The following DPPA3 variants were observed in gnomAD, a reference collection of about 807,000 sequenced individuals.
DPPA3 encodes the protein developmental pluripotency associated 3, also known as developmental pluripotency-associated protein 3.
DPPA3 carries 9 observed loss-of-function variants against 15.6 expected under a neutral mutation model. The observed-to-expected ratio is 0.58, with a 90% CI of 0.35 to 1.01. The LOEUF (loss-of-function observed/expected upper bound fraction) is 1.01, where lower values mean the gene tolerates loss of function less well. DPPA3 is among the 50% of genes least tolerant of loss of function. DPPA3 has a pLI of 0.02. For missense variants in DPPA3, 148 were observed against 194.6 expected (o/e 0.76, Z 1.42); for synonymous variants, 61 against 70.9 (o/e 0.86, Z 0.70).
Position 7,716,324 on chromosome 12 carries a change from G to A in DPPA3, c.369+85G>A, listed in dbSNP as rs1330604983. ...GGTATCTGGTTTGTTTCCTTTTGCCGGAATAGGGAATTAGGGAATTTGCTT... is the reference window on the plus strand; with the variant it reads ...GGTATCTGGTTTGTTTCCTTTTGCCAGAATAGGGAATTAGGGAATTTGCTT... On this transcript the variant is annotated intron_variant, in intron 3 of 3. Coordinates refer to ENST00000345088, the MANE Select transcript of DPPA3 (RefSeq NM_199286.4). 25 of 1,070,820 alleles carry A rather than the reference G, an allele frequency of 2.3e-5. 1 individual carries two copies. Among genetic ancestry groups the A allele is most frequent in the East Asian group, 7.8e-5 (3 of 38,290 alleles). The allele number at this position is 1,070,820 out of a possible 1,614,324, so 66.3% of individuals were successfully genotyped here.
At chr12:7,712,803 T>G (rs1864359244) in intron 1 of DPPA3, among the ~76,000 whole-genome samples, 1 of 152,162 alleles carries the variant, frequency 6.6e-6, no homozygotes, top group Non-Finnish European at 1.5e-5. Context: ...CCCAGGCTGG[T>G]ATCGAACACT....
chr12:7,713,548 G>A (rs1864368395), intron 1 of DPPA3, among the ~76,000 whole-genome samples: 2 of 152,244 alleles, frequency 1.3e-5, no homozygotes, highest in South Asian at 4.1e-4. Flanking sequence ...CCTTCTTATT[G>A]TATGAGATAT....
In DPPA3 at chr12:7,717,326, C is replaced by T. The variant is rs1014936053; in HGVS notation, c.*249C>T. Reference sequence around the variant, plus strand: ...AAGAAGCCAAGATGATATAAGTATTCCCATGTGTCTTAGAAGCCCAAAGTC... The same window carrying T: ...AAGAAGCCAAGATGATATAAGTATTTCCATGTGTCTTAGAAGCCCAAAGTC... On this transcript the variant is annotated 3_prime_UTR_variant, in exon 4 of 4. Coordinates refer to ENST00000345088, the MANE Select transcript of DPPA3 (RefSeq NM_199286.4). The T allele has an allele frequency of 1.2e-5, 4 of 346,262 alleles. No homozygotes were observed. Among genetic ancestry groups the T allele is most frequent in the Admixed American group, 4.5e-5 (1 of 22,460 alleles). The allele number at this position is 346,262 out of a possible 1,614,324, so 21.4% of individuals were successfully genotyped here. A position where few individuals can be genotyped will look rare whatever the true frequency, so the allele number is the denominator to read the frequency against.
At position 7,715,284 on chromosome 12, in the gene DPPA3, C is replaced by T. The variant is rs753598013; in HGVS notation, c.184C>T (p.Arg62Cys). The T allele has an allele frequency of 6.2e-6, 10 of 1,613,846 alleles. No homozygotes were observed. Among genetic ancestry groups the T allele is most frequent in the African/African-American group, 2.7e-5 (2 of 74,984 alleles). Reference protein sequence around the residue: ...SVSPLSEALLRRESVGAAVLR... With the variant: ...SVSPLSEALLCRESVGAAVLR... The stretch of plus-strand genomic sequence containing the variant: ...TTCCCCTCTATCGGAAGCTTTACTC[C>T]GTCGAGAGTCTGTAGGAGCAGCAGT... Residue 62 changes from arginine (R) to cysteine (C), a missense_variant, in exon 2 of 4, where the codon CGT (arginine) becomes TGT (cysteine). Arg to Cys is a radical substitution (Grantham distance 180, BLOSUM62 -3). Coordinates refer to ENST00000345088, the MANE Select transcript of DPPA3 (RefSeq NM_199286.4).
chr12:7,713,839 C>T (rs982652427), intron 1 of DPPA3, among the ~76,000 whole-genome samples: 4 of 152,166 alleles, frequency 2.6e-5, no homozygotes, highest in Admixed American at 1.3e-4. Context: ...CAGTGGATCT[C>T]TTAAGTGTAA....
chr12:7,712,831 C>T (rs1945246050), intron 1 of DPPA3, among the ~76,000 whole-genome samples: 1 of 152,204 alleles, frequency 6.6e-6, no homozygotes, highest in Admixed American at 6.5e-5. Flanking sequence ...AGTCCATCCT[C>T]TTGCGTAGCT....
rs942263275 is a variant in DPPA3, at chr12:7,711,850, G to T, written c.82+198G>T. Among the ~76,000 whole-genome samples the T allele has an allele frequency of 5.3e-5, 8 of 150,424 alleles. No homozygotes were observed. The East Asian group carries it at 1.2e-3, about 22-fold the overall frequency. On this transcript the variant is annotated intron_variant, in intron 1 of 3. Transcript: ENST00000345088. ...CAAAGACTTTATTAAAAGCGGTGAT[G>T]GTGGTGGTGAGAAATGTATTATTTT... is the stretch of plus-strand genomic sequence containing the variant.
In DPPA3 at chr12:7,715,186, C is replaced by A; in HGVS notation, c.86C>A (p.Ala29Asp). 2.5e-6 allele frequency: 4 copies of A among 1,613,390 alleles called. No individual in the cohort carries two copies. Among genetic ancestry groups the A allele is most frequent in the South Asian group, 2.2e-5 (2 of 90,846 alleles). ...GGCTTTTAACCTTCTCTTTCAGGGG[C>A]CTCTCAAATCTCCTCCGAGACGTTG... The part of the protein sequence containing the change: ...TEENSRDDSG[A>D]SQISSETLIK... Residue 29 changes from alanine (A) to aspartate (D), a missense_variant, in exon 2 of 4, where the codon GCC becomes GAC. Ala to Asp is a moderately radical substitution (Grantham distance 126). Transcript: ENST00000345088.
At chr12:7,713,406 G>A (rs1864366905) in intron 1 of DPPA3, among the ~76,000 whole-genome samples, 1 of 152,172 alleles carries the variant, frequency 6.6e-6, no homozygotes, top group African/African-American at 2.4e-5. Context: ...GTTCCACAAA[G>A]GATCCTCGTT....
rs767695227 is a variant in DPPA3, at chr12:7,715,275, G to A, written c.175G>A (p.Ala59Thr). Reference protein sequence around the residue: ...SSESVSPLSEALLRRESVGAA... With the variant: ...SSESVSPLSETLLRRESVGAA... ...CGAATCTGTTTCCCCTCTATCGGAA[G>A]CTTTACTCCGTCGAGAGTCTGTAGG... is the stretch of plus-strand genomic sequence containing the variant. The change falls in exon 2 of 4, where the codon GCT becomes ACT. Residue 59 changes from alanine (A) to threonine (T), a missense_variant. Ala to Thr is a moderately conservative substitution (Grantham distance 58). Transcript: ENST00000345088. The A allele has an allele frequency of 7.4e-6, 12 of 1,613,824 alleles. No homozygotes were observed. Among genetic ancestry groups the A allele is most frequent in the African/African-American group, 1.3e-5 (1 of 74,912 alleles).
chr12:7,711,562 A>C lies in DPPA3; in HGVS notation c.-9A>C. 6.2e-7 allele frequency: 1 copy of C among 1,612,346 alleles called. No individual in the cohort carries two copies. Among genetic ancestry groups the C allele is most frequent in the Non-Finnish European group, 8.5e-7 (1 of 1,179,406 alleles). On this transcript the variant is annotated 5_prime_UTR_variant, in exon 1 of 4. Transcript: ENST00000345088. Reference sequence around the variant, plus strand: ...TCCTGGAGAAGCCTAGTGTTGTGTCAAGACGCCGATGGACCCATCACAGTT... The same window carrying C: ...TCCTGGAGAAGCCTAGTGTTGTGTCCAGACGCCGATGGACCCATCACAGTT...
In DPPA3 at chr12:7,711,480, C is replaced by T. The variant is rs182659505; in HGVS notation, c.-91C>T. On this transcript the variant is annotated 5_prime_UTR_variant, in exon 1 of 4. Transcript: ENST00000345088. Reference sequence around the variant, plus strand: ...GGAGCTCCGGTTTTCAGCCTCTTTCCGGGCTACCTGGTAGCAATTTGAGGC... The same window carrying T: ...GGAGCTCCGGTTTTCAGCCTCTTTCTGGGCTACCTGGTAGCAATTTGAGGC... 4.9e-6 allele frequency: 6 copies of T among 1,227,252 alleles called. No homozygotes were observed. The highest frequency in any genetic ancestry group is 5.6e-6 in the Non-Finnish European group (5 of 885,208). 76.0% of individuals were successfully genotyped at this position (1,227,252 alleles called of 1,614,324 possible).
At chr12:7,716,269 C>CTTT (rs34547953) in intron 3 of DPPA3, 30 bp downstream of exon 3, 341,426 of 1,281,690 alleles carry the variant, frequency 0.27, 9,966 homozygotes, top group Non-Finnish European at 0.28. Context: ...TTTTATTTTC[C>CTTT]TTTTTTTTTT....
chr12:7,715,459 A>C, intron 2 of DPPA3, 32 bp downstream of exon 2: 1 of 1,613,412 alleles, frequency 6.2e-7, no homozygotes, highest in Non-Finnish European at 8.5e-7. Context: ...GGGGCTGTCC[A>C]ATTCCGGAGA....
intron 3 of DPPA3, 130 bp from the exon 4 acceptor site, chr12:7,716,837 C>A: frequency 1.2e-6 from 1 of 827,070 alleles, no homozygotes; most frequent in Non-Finnish European, 2.0e-6. Flanking sequence ...TGCTTTTGGC[C>A]CGTGTGTCCT....
At chr12:7,716,496 G>T (rs1283081522) in intron 3 of DPPA3, among the ~76,000 whole-genome samples, 1 of 151,946 alleles carries the variant, frequency 6.6e-6, no homozygotes, top group Admixed American at 6.6e-5. Context: ...TACTGTCAAC[G>T]TCACACACCA....
chr12:7,713,912 C>G (rs1008630989), intron 1 of DPPA3, among the ~76,000 whole-genome samples: 35 of 152,202 alleles, frequency 2.3e-4, no homozygotes, highest in Admixed American at 7.9e-4. Flanking sequence ...ACTCTGGACG[C>G]TGAGGTGGGA....
In DPPA3 at chr12:7,716,936, C is replaced by G. The variant is rs1439855968; in HGVS notation, c.370-31C>G. On this transcript the variant is annotated intron_variant, in intron 3 of 3. Transcript: ENST00000345088. ...TTACATTTCTCTGGGGTACAATATT[C>G]CAATTAATCCATTTCATCATTTTTT... 3 of 1,554,810 alleles carry G rather than the reference C, an allele frequency of 1.9e-6. No homozygotes were observed. In the Admixed American group the frequency reaches 5.0e-5, roughly 26 times the overall value.
chr12:7,715,864 C>T (rs73052565), intron 2 of DPPA3, among the ~76,000 whole-genome samples: 41,640 of 151,910 alleles, frequency 0.27, 5,945 homozygotes, highest in African/African-American at 0.32. Flanking sequence ...GGAGGATCAC[C>T]TGAGCTCAAG....
Sources: allele counts gnomAD v4.1 joint callset (sites outside exome capture counted in the v4.1 genomes callset), GRCh38; gene constraint gnomAD v4.1.1; transcripts MANE v1.5; gene names NCBI Gene and HGNC (gene_info 2026-07-23, HGNC 2026-07-21).